The following ERBB4 variants were observed in gnomAD, a reference collection of about 807,000 sequenced individuals.
The protein encoded by ERBB4 is receptor tyrosine-protein kinase erbB-4.
ERBB4 carries 42 observed loss-of-function variants against 158.0 expected under a neutral mutation model. The ratio of observed to expected loss-of-function variants is 0.27; its 90% CI spans 0.21 to 0.34. The LOEUF (loss-of-function observed/expected upper bound fraction) is 0.34. Among genes scored for constraint, ERBB4 ranks in the 10% least tolerant of loss-of-function variants. The pLI is 1.00. For missense variants in ERBB4, 1,333 were observed against 1,624.1 expected, an observed-to-expected ratio of 0.82 and a Z score of 3.08; for synonymous variants, 583 against 558.7, an observed-to-expected ratio of 1.04 and a Z score of -0.61.
At chr2:211,722,189 G>T (rs922502291) in intron 7 of ERBB4, among the ~76,000 whole-genome samples, 1 of 152,010 alleles carries the variant, frequency 6.6e-6, no homozygotes, top group Middle Eastern at 3.2e-3. Flanking sequence ...CCTCAAACAT[G>T]TCATCCTTTT....
chr2:212,214,781 G>A (rs573925668), intron 1 of ERBB4, among the ~76,000 whole-genome samples: 1 of 151,718 alleles, frequency 6.6e-6, no homozygotes, highest in African/African-American at 2.4e-5. Context: ...TATTCTATAT[G>A]TGGGCGCCAA....
chr2:212,337,497 C>T (rs983012176), intron 1 of ERBB4, among the ~76,000 whole-genome samples: 11 of 152,108 alleles, frequency 7.2e-5, no homozygotes, highest in African/African-American at 2.7e-4. Context: ...AAACTGCTAG[C>T]TCAGACCCTC....
At chr2:212,401,080 G>T (rs957365344) in intron 1 of ERBB4, among the ~76,000 whole-genome samples, 12 of 152,098 alleles carry the variant, frequency 7.9e-5, no homozygotes, top group African/African-American at 2.9e-4. Flanking sequence ...CATACGGTAA[G>T]CATTAGCCTT....
In ERBB4 at chr2:211,409,287, CT is replaced by C. The variant is rs574933239; in HGVS notation, c.3135+11153del. 3.6e-3 allele frequency among the ~76,000 whole-genome samples: 541 copies of C among 152,044 alleles called. 2 individuals carry two copies. Among genetic ancestry groups the C allele is most frequent in the African/African-American group, 0.013 (521 of 41,498 alleles). ...CTTTGCCTCTCTGCTTCATTTTTGC[CT>C]TTGTAAAATGGCCATAATAATGCTT... On this transcript the variant is annotated intron_variant, in intron 25 of 27. Coordinates refer to ENST00000342788, the MANE Select transcript of ERBB4 (RefSeq NM_005235.3).
intron 5 of ERBB4, among the ~76,000 whole-genome samples, chr2:211,729,927 T>C (rs1449499072): frequency 1.3e-5 from 2 of 151,972 alleles, no homozygotes; most frequent in Non-Finnish European, 2.9e-5. Context: ...ATGTGATTAA[T>C]ATAAAATTTA....
chr2:212,424,019 C>G (rs2091853715), intron 1 of ERBB4, among the ~76,000 whole-genome samples: 1 of 152,044 alleles, frequency 6.6e-6, no homozygotes, highest in South Asian at 2.1e-4. Flanking sequence ...AAAATACAAT[C>G]TACAATTATT....
In ERBB4 at chr2:212,169,496, A is replaced by G. The variant is rs1575739627; in HGVS notation, c.83-44593T>C. On this transcript the variant is annotated intron_variant, in intron 1 of 27. Transcript: ENST00000342788. ...AAACTGGATTTCTTCCTAACACCAT[A>G]TACAAAAATCAACTCAAGACAGATT... 2.0e-5 allele frequency among the ~76,000 whole-genome samples: 3 copies of G among 152,246 alleles called. No homozygotes were observed. The South Asian group carries it at 6.2e-4, about 32-fold the overall frequency.
intron 2 of ERBB4, among the ~76,000 whole-genome samples, chr2:211,951,842 G>T (rs2125150346): frequency 6.6e-6 from 1 of 152,142 alleles, no homozygotes. Flanking sequence ...GTGAACTCTG[G>T]ACATCATTCC....
At chr2:212,409,844 C>T (rs1002415427) in intron 1 of ERBB4, among the ~76,000 whole-genome samples, 11 of 152,052 alleles carry the variant, frequency 7.2e-5, no homozygotes, top group African/African-American at 2.7e-4. Flanking sequence ...GTGACTAAAT[C>T]TGTACTCTCA....
intron 12 of ERBB4, among the ~76,000 whole-genome samples, chr2:211,695,339 A>G (rs980675991): frequency 1.3e-5 from 2 of 152,192 alleles, no homozygotes; most frequent in African/African-American, 4.8e-5. Flanking sequence ...CAAATTTCAG[A>G]AACATAAAAA....
At chr2:212,330,218 G>A (rs899058491) in intron 1 of ERBB4, among the ~76,000 whole-genome samples, 1 of 60,152 alleles carries the variant, frequency 1.7e-5, no homozygotes, top group Non-Finnish European at 3.6e-5. Context: ...TGCTGTATCT[G>A]TGTTTTTTGT....
intron 3 of ERBB4, among the ~76,000 whole-genome samples, chr2:211,870,153 G>T (rs534379639): frequency 6.6e-6 from 1 of 151,850 alleles, no homozygotes; most frequent in Non-Finnish European, 1.5e-5. Context: ...TTTGAAAATT[G>T]TTCCATTTAG....
intron 3 of ERBB4, among the ~76,000 whole-genome samples, chr2:211,807,817 T>C (rs1006471227): frequency 2.0e-5 from 3 of 152,194 alleles, no homozygotes; most frequent in Admixed American, 2.0e-4. Flanking sequence ...TGATCTCCAT[T>C]GTAACTGGTG....
intron 1 of ERBB4, among the ~76,000 whole-genome samples, chr2:212,535,724 A>G (rs572877983): frequency 1.3e-5 from 2 of 152,348 alleles, no homozygotes; most frequent in African/African-American, 4.8e-5. Flanking sequence ...AATAAAATGC[A>G]TAATTGAAAA....
chr2:212,382,640 T>C (rs1311383071), intron 1 of ERBB4, among the ~76,000 whole-genome samples: 2 of 151,154 alleles, frequency 1.3e-5, no homozygotes, highest in Non-Finnish European at 3.0e-5. Flanking sequence ...AACTCTACAT[T>C]GTAACAGTTG....
At chr2:211,465,470 G>C (rs1174884725) in intron 20 of ERBB4, among the ~76,000 whole-genome samples, 1 of 151,846 alleles carries the variant, frequency 6.6e-6, no homozygotes, top group African/African-American at 2.4e-5. Context: ...TACTTTAACA[G>C]CAGGAATTCT....
chr2:211,772,073 C>A (rs2075704450), intron 4 of ERBB4, among the ~76,000 whole-genome samples: 1 of 152,072 alleles, frequency 6.6e-6, no homozygotes, highest in Non-Finnish European at 1.5e-5. Context: ...GTTTTACTAT[C>A]TTCTGTGTAA....
intron 2 of ERBB4, among the ~76,000 whole-genome samples, chr2:211,991,749 G>A (rs989780919): frequency 7.2e-5 from 11 of 152,072 alleles, no homozygotes; most frequent in African/African-American, 1.2e-4. Flanking sequence ...ATAAATGAAC[G>A]GAAAGGAAGT....
At chr2:212,522,818 A>G (rs1692247729) in intron 1 of ERBB4, among the ~76,000 whole-genome samples, 1 of 151,974 alleles carries the variant, frequency 6.6e-6, no homozygotes, top group Admixed American at 6.6e-5. Flanking sequence ...TTCTTTATCT[A>G]TGACAGAGGA....
Sources: gnomAD v4.1 joint callset for allele counts (sites outside exome capture counted in the v4.1 genomes callset) on GRCh38, gnomAD v4.1.1 for gene constraint, MANE v1.5 for transcripts, NCBI Gene and HGNC (gene_info 2026-07-23, HGNC 2026-07-21) for gene names.